KIAA0586: variants seen among roughly 807,000 people sequenced by gnomAD.
KIAA0586 encodes protein TALPID3.
KIAA0586 carries 144 observed loss-of-function variants against 169.8 expected under a neutral mutation model. The observed-to-expected ratio is 0.85, with a 90% CI of 0.74 to 0.97. KIAA0586 has a LOEUF of 0.97. Among genes scored for constraint, KIAA0586 ranks in the 50% least tolerant of loss-of-function variants. The pLI is 0.00. For synonymous variants in KIAA0586, 625 were observed against 612.4 expected (o/e 1.02, Z -0.30); for missense variants, 1,854 against 1,823.0 (o/e 1.02, Z -0.31).
chr14:58,529,810 C>A (rs1422685085), intron 29 of KIAA0586, among the ~76,000 whole-genome samples: 1 of 152,106 alleles, frequency 6.6e-6, no homozygotes, highest in Non-Finnish European at 1.5e-5. Context: ...ACAAGGATGC[C>A]CTCTCTCACC....
chr14:58,488,509 T>TA, intron 23 of KIAA0586, 112 bp from the exon 24 acceptor site: 8 of 1,266,638 alleles, frequency 6.3e-6, no homozygotes, highest in Non-Finnish European at 7.6e-6. Context: ...AGTGCAGATT[T>TA]AAAAAAATAT....
intron 6 of KIAA0586, among the ~76,000 whole-genome samples, chr14:58,445,168 C>CA (rs2038770357): frequency 6.6e-6 from 1 of 151,740 alleles, no homozygotes; most frequent in African/African-American, 2.4e-5. Context: ...TACACAAACA[C>CA]ACATGCTTAG....
intron 8 of KIAA0586, among the ~76,000 whole-genome samples, chr14:58,452,738 C>G (rs898065636): frequency 6.6e-6 from 1 of 152,036 alleles, no homozygotes; most frequent in Non-Finnish European, 1.5e-5. Context: ...GCTTTGTTGC[C>G]CAGGCTGGTC....
intron 21 of KIAA0586, among the ~76,000 whole-genome samples, chr14:58,484,917 TA>T: frequency 7.9e-5 from 3 of 37,848 alleles, no homozygotes; most frequent in African/African-American, 2.9e-4. Context: ...TATATATATA[TA>T]TATATATTTT....
At chr14:58,492,509 T>G (rs1210475497) in intron 26 of KIAA0586, among the ~76,000 whole-genome samples, 1 of 152,216 alleles carries the variant, frequency 6.6e-6, no homozygotes, top group Non-Finnish European at 1.5e-5. Context: ...TTGTGAGGAT[T>G]CATTATGCAA....
chr14:58,540,106 C>A lies in KIAA0586; in HGVS notation c.4465C>A (p.Leu1489Ile). ...TGATATGGATCGGACACAAATTGAG[C>A]TTAATCCGTACCTCACATGTGTATT... Reference protein sequence around the residue: ...PGDMDRTQIELNPYLTCVFSG... With the variant: ...PGDMDRTQIEINPYLTCVFSG... The change falls in exon 30 of 31, where the codon CTT becomes ATT. Residue 1489 changes from leucine (L) to isoleucine (I), a missense_variant. Leu to Ile is a conservative substitution (Grantham distance 5, BLOSUM62 2). Transcript: ENST00000652326. 1 of 1,562,078 alleles carries A rather than the reference C, an allele frequency of 6.4e-7. No homozygotes were observed. Among genetic ancestry groups the A allele is most frequent in the Non-Finnish European group, 8.7e-7 (1 of 1,149,912 alleles).
chr14:58,475,138 A>T (rs992004430), intron 19 of KIAA0586, among the ~76,000 whole-genome samples: 1 of 152,230 alleles, frequency 6.6e-6, no homozygotes, highest in Non-Finnish European at 1.5e-5. Context: ...ACGAACCAGT[A>T]CCAGTCTGTG....
chr14:58,487,877 A>AC lies in KIAA0586; in HGVS notation c.3305-10_3305-9insC. The AC allele has an allele frequency of 6.3e-7, 1 of 1,598,162 alleles. No homozygotes were observed. The highest frequency in any genetic ancestry group is 1.2e-5 in the South Asian group (1 of 86,764). ...TATCTTTTTCTGTCCTTTTAAAAAA[A>AC]AACCTTTAGGAGATGATATGCCTGC... On this transcript the variant is annotated splice_polypyrimidine_tract_variant and intron_variant, in intron 22 of 30. Coordinates refer to ENST00000652326, the MANE Select transcript of KIAA0586 (RefSeq NM_001329943.3).
intron 21 of KIAA0586, among the ~76,000 whole-genome samples, chr14:58,486,421 C>T (rs1460305827): frequency 6.6e-6 from 1 of 152,046 alleles, no homozygotes; most frequent in East Asian, 1.9e-4. Flanking sequence ...CATATGAGTG[C>T]ATGTGTCTTT....
chr14:58,543,978 T>G lies in KIAA0586; in HGVS notation c.4496-3803T>G, dbSNP rs746144513. 2.2e-6 allele frequency: 1 copy of G among 446,038 alleles called. No individual in the cohort carries two copies. The highest frequency in any genetic ancestry group is 2.5e-5 in the Admixed American group (1 of 40,760). 27.6% of individuals were successfully genotyped at this position (446,038 alleles called of 1,614,324 possible). A position where few individuals can be genotyped will look rare whatever the true frequency, so the allele number is the denominator to read the frequency against. On this transcript the variant is annotated intron_variant, in intron 30 of 30. Transcript: ENST00000652326. ...TATTTCATCACCCAGGTATTAAGCCTAGTACCCAATAGTTATTTTTTCTGC... is the reference window on the plus strand; with the variant it reads ...TATTTCATCACCCAGGTATTAAGCCGAGTACCCAATAGTTATTTTTTCTGC...
In KIAA0586 at chr14:58,548,893, C is replaced by T. The variant is rs2047132836; in HGVS notation, c.*961C>T. 1 of 152,112 alleles carries T rather than the reference C, an allele frequency of 6.6e-6. No homozygotes were observed. Among genetic ancestry groups the T allele is most frequent in the African/African-American group, 2.4e-5 (1 of 41,396 alleles). 9.4% of individuals were successfully genotyped at this position (152,112 alleles called of 1,614,324 possible). On this transcript the variant is annotated 3_prime_UTR_variant, in exon 31 of 31. Coordinates refer to ENST00000652326, the MANE Select transcript of KIAA0586 (RefSeq NM_001329943.3). ...TTTGTGATAGGGGCCAACGAAACGC[C>T]TTCTTATCAGCTGTTTCAGATTAAT... is the stretch of plus-strand genomic sequence containing the variant.
At chr14:58,483,666 C>G (rs1743704) in intron 21 of KIAA0586, among the ~76,000 whole-genome samples, 1 of 152,152 alleles carries the variant, frequency 6.6e-6, no homozygotes, top group Admixed American at 6.5e-5. Context: ...ATTTCAGGAA[C>G]TTTTATTGCT....
intron 29 of KIAA0586, among the ~76,000 whole-genome samples, chr14:58,527,236 A>G (rs2045650954): frequency 6.6e-6 from 1 of 152,214 alleles, no homozygotes; most frequent in Non-Finnish European, 1.5e-5. Context: ...TGATTGGTGT[A>G]CCTGAAAGTG....
chr14:58,559,596 C>T, the KIAA0586 span, among the ~76,000 whole-genome samples: 7 of 152,174 alleles, frequency 4.6e-5, no homozygotes, highest in African/African-American at 4.8e-5. Flanking sequence ...GGAATAGAAG[C>T]ACATTTTCAT....
chr14:58,441,651 G>A (rs185807321), intron 4 of KIAA0586, among the ~76,000 whole-genome samples: 1 of 151,974 alleles, frequency 6.6e-6, no homozygotes, highest in Non-Finnish European at 1.5e-5. Flanking sequence ...TTATTTTTCT[G>A]GAGACAGAGT....
In KIAA0586 at chr14:58,436,400, G is replaced by A. The variant is rs2037823303; in HGVS notation, c.410+3943G>A. ...TCATAACCAGAAGTCTATAGAATCTGTCTGAAGAAGTATGAAATTTTGTCA... is the reference window on the plus strand; with the variant it reads ...TCATAACCAGAAGTCTATAGAATCTATCTGAAGAAGTATGAAATTTTGTCA... On this transcript the variant is annotated intron_variant, in intron 4 of 30. Transcript: ENST00000652326. 1.3e-5 allele frequency among the ~76,000 whole-genome samples: 2 copies of A among 151,958 alleles called. 1 individual carries two copies. The highest frequency in any genetic ancestry group is 4.2e-4 in the South Asian group (2 of 4,802).
Position 58,487,052 on chromosome 14 carries a change from T to C in KIAA0586, c.3190T>C (p.Cys1064Arg), listed in dbSNP as rs1036508171. The C allele has an allele frequency of 1.9e-6, 3 of 1,613,474 alleles. No individual in the cohort carries two copies. Among genetic ancestry groups the C allele is most frequent in the Non-Finnish European group, 2.5e-6 (3 of 1,179,520 alleles). The change falls in exon 22 of 31, where the codon TGC becomes CGC. Residue 1064 changes from cysteine (C) to arginine (R), a missense_variant. Physicochemically the swap from Cys to Arg is radical, Grantham distance 180. Coordinates refer to ENST00000652326, the MANE Select transcript of KIAA0586 (RefSeq NM_001329943.3). ...GCCTACCCCACAGCCTACGCCTCCT[T>C]GCTCACCTTCATCACCTGCTAAGGA... ...PLPTPQPTPP[C>R]SPSSPAKECV...
At chr14:58,530,219 A>G (rs1005623305) in intron 29 of KIAA0586, among the ~76,000 whole-genome samples, 8 of 152,264 alleles carry the variant, frequency 5.3e-5, no homozygotes, top group South Asian at 2.1e-4. Context: ...AAAACATTCC[A>G]TGCTTATGGA....
At chr14:58,522,047 C>G (rs1595475439) in intron 29 of KIAA0586, 2 of 1,004,002 alleles carry the variant, frequency 2.0e-6, no homozygotes, top group East Asian at 2.4e-5. Context: ...AGGTGCTTGT[C>G]TAAGATCAAA....
Sources: allele counts gnomAD v4.1 joint callset (sites outside exome capture counted in the v4.1 genomes callset), GRCh38; gene constraint gnomAD v4.1.1; transcripts MANE v1.5; gene names NCBI Gene and HGNC (gene_info 2026-07-23, HGNC 2026-07-21).